Variants in EYS observed in about 807,000 individuals in gnomAD.
EYS encodes the protein EGF-like photoreceptor maintenance factor, also known as protein eyes shut homolog.
Under a neutral mutation model 282.1 loss-of-function variants are expected in EYS, and 250 were observed. The observed-to-expected ratio is 0.89, with a 90% CI of 0.80 to 0.98. The LOEUF (loss-of-function observed/expected upper bound fraction) is 0.98. Ranked by LOEUF, EYS falls within the 50% of genes least tolerant of loss-of-function variation. The probability of loss-of-function intolerance (pLI) is 0.00; values close to 1 mark genes in which losing one functional copy is unlikely to be tolerated. For missense variants in EYS, 4,016 were observed against 3,709.0 expected, an observed-to-expected ratio of 1.08 and a Z score of -2.15; for synonymous variants, 1,355 against 1,282.9, an observed-to-expected ratio of 1.06 and a Z score of -1.20.
Position 64,814,865 on chromosome 6 carries a change from G to A in EYS, c.3244-1288C>T, listed in dbSNP as rs181049875. On this transcript the variant is annotated intron_variant, in intron 21 of 42. Transcript: ENST00000503581. Reference sequence around the variant, plus strand: ...TGCAAACATAAAATACTTCTTCAGCGTTTTACCTTGAAAAGTGACAATTTT... The same window carrying A: ...TGCAAACATAAAATACTTCTTCAGCATTTTACCTTGAAAAGTGACAATTTT... 5.3e-5 allele frequency among the ~76,000 whole-genome samples: 8 copies of A among 151,954 alleles called. No homozygotes were observed. The East Asian group carries it at 5.8e-4, about 11-fold the overall frequency.
At chr6:65,473,841 T>C (rs1765302743) in intron 5 of EYS, among the ~76,000 whole-genome samples, 1 of 146,392 alleles carries the variant, frequency 6.8e-6, no homozygotes, top group Non-Finnish European at 1.5e-5. Context: ...TATGGGATTT[T>C]TGTCTCAAAA....
intron 33 of EYS, among the ~76,000 whole-genome samples, chr6:64,041,596 C>T (rs1770393958): frequency 6.6e-6 from 1 of 152,142 alleles, no homozygotes; most frequent in Non-Finnish European, 1.5e-5. Flanking sequence ...AGCAATAAAT[C>T]ATAAACCACC....
At chr6:65,621,573 T>C (rs955777345) in intron 2 of EYS, among the ~76,000 whole-genome samples, 2 of 151,418 alleles carry the variant, frequency 1.3e-5, no homozygotes, top group South Asian at 4.2e-4. Flanking sequence ...AATATTGTTA[T>C]GTGTGAATTT....
intron 41 of EYS, among the ~76,000 whole-genome samples, chr6:63,745,925 G>C (rs1368746657): frequency 6.6e-6 from 1 of 152,136 alleles, no homozygotes; most frequent in Non-Finnish European, 1.5e-5. Flanking sequence ...CTCTCTCTCT[G>C]TGTGTACCAT....
chr6:65,493,097 T>G (rs1766108084), intron 4 of EYS, among the ~76,000 whole-genome samples: 3 of 152,150 alleles, frequency 2.0e-5, no homozygotes, highest in African/African-American at 7.2e-5. Context: ...TGTATTTTTG[T>G]AGAGACGGGG....
At chr6:65,330,112 A>T (rs1769741969) in intron 11 of EYS, 9 of 981,618 alleles carry the variant, frequency 9.2e-6, no homozygotes, top group Non-Finnish European at 1.1e-5. Context: ...TACTTTAAAA[A>T]TGTGTTCACT....
rs552473948 is a variant in EYS at position 65,355,038 on chromosome 6, T to C, written c.1300-1421A>G. Among the ~76,000 whole-genome samples the C allele has an allele frequency of 3.9e-5, 6 of 152,218 alleles. No homozygotes were observed. The South Asian group carries it at 1.2e-3, about 32-fold the overall frequency. ...TCACTGTCAGTGGAGATTGTCTTTA[T>C]TGGATTTGGGTCCTCATTGTGATAG... On this transcript the variant is annotated intron_variant, in intron 8 of 42. Transcript: ENST00000503581.
intron 15 of EYS, among the ~76,000 whole-genome samples, chr6:64,938,401 T>C (rs1768980473): frequency 6.6e-6 from 1 of 151,630 alleles, no homozygotes; most frequent in African/African-American, 2.4e-5. Context: ...ATGATTTTTC[T>C]ATTTAATTAG....
At chr6:64,130,512 A>G (rs946524237) in intron 31 of EYS, among the ~76,000 whole-genome samples, 1 of 152,104 alleles carries the variant, frequency 6.6e-6, no homozygotes, top group Admixed American at 6.6e-5. Context: ...ACATTAGAAG[A>G]TATACCTAAT....
intron 31 of EYS, among the ~76,000 whole-genome samples, chr6:64,227,467 A>G (rs1766285548): frequency 6.6e-6 from 1 of 152,104 alleles, no homozygotes; most frequent in Non-Finnish European, 1.5e-5. Context: ...GTAATATAGC[A>G]TGGTGGTTAA....
chr6:63,754,165 G>C (rs1769417085), intron 41 of EYS, among the ~76,000 whole-genome samples: 1 of 151,832 alleles, frequency 6.6e-6, no homozygotes, highest in Non-Finnish European at 1.5e-5. Context: ...TTAGCTCTTT[G>C]AATGGAGGGA....
intron 31 of EYS, among the ~76,000 whole-genome samples, chr6:64,168,435 TCTACTC>T (rs1202525923): frequency 6.6e-6 from 1 of 152,164 alleles, no homozygotes; most frequent in East Asian, 1.9e-4. Flanking sequence ...AACCAGAGCT[TCTACTC>T]CTAGGTATCT....
chr6:63,899,219 A>G (rs1008006184), intron 35 of EYS, among the ~76,000 whole-genome samples: 1 of 152,176 alleles, frequency 6.6e-6, no homozygotes, highest in African/African-American at 2.4e-5. Flanking sequence ...CCAGACTCAT[A>G]CTGCCTATTA....
intron 15 of EYS, among the ~76,000 whole-genome samples, chr6:64,925,478 CAGGCCCA>C (rs1406857412): frequency 6.6e-6 from 1 of 152,114 alleles, no homozygotes; most frequent in African/African-American, 2.4e-5. Context: ...GGTGTGTCAG[CAGGCCCA>C]AGGCCTCCTA....
At chr6:64,086,968 A>T (rs767413336) in intron 31 of EYS, among the ~76,000 whole-genome samples, 12 of 152,140 alleles carry the variant, frequency 7.9e-5, no homozygotes, top group Non-Finnish European at 1.3e-4. Flanking sequence ...TGATAGAAGA[A>T]AAGCCATATA....
intron 22 of EYS, among the ~76,000 whole-genome samples, chr6:64,628,069 G>A (rs1436939707): frequency 6.6e-6 from 1 of 152,142 alleles, no homozygotes; most frequent in Admixed American, 6.6e-5. Context: ...GACAGTGCGA[G>A]ACTCCGTCTC....
intron 29 of EYS, among the ~76,000 whole-genome samples, chr6:64,325,360 A>AG (rs199687997): frequency 0.013 from 2,008 of 152,312 alleles, 42 homozygotes; most frequent in African/African-American, 0.045. Context: ...TCATAGGAAA[A>AG]GGGGGAGAGA....
At chr6:64,581,668 A>C (rs1766072787) in intron 26 of EYS, among the ~76,000 whole-genome samples, 1 of 152,166 alleles carries the variant, frequency 6.6e-6, no homozygotes, top group Non-Finnish European at 1.5e-5. Flanking sequence ...ACAACAGTGG[A>C]AACACTGAAG....
intron 26 of EYS, among the ~76,000 whole-genome samples, chr6:64,495,370 T>G (rs1341631311): frequency 6.6e-6 from 1 of 151,820 alleles, no homozygotes; most frequent in Non-Finnish European, 1.5e-5. Context: ...AACTTGGACT[T>G]GGAAGATGAC....
Sources: gnomAD v4.1 joint callset for allele counts (sites outside exome capture counted in the v4.1 genomes callset) on GRCh38, gnomAD v4.1.1 for gene constraint, MANE v1.5 for transcripts, NCBI Gene and HGNC (gene_info 2026-07-23, HGNC 2026-07-21) for gene names.